MYO3A: variants seen among roughly 807,000 people sequenced by gnomAD.
MYO3A encodes the protein myosin-IIIa.
MYO3A carries 180 observed loss-of-function variants against 192.7 expected under a neutral mutation model. The observed-to-expected ratio is 0.93, with a 90% CI of 0.83 to 1.06. The LOEUF is 1.06. MYO3A is among the 50% of genes least tolerant of loss of function. The pLI, the probability that MYO3A is intolerant of heterozygous loss-of-function variation, is 0.00. For missense variants in MYO3A, 1,896 were observed against 1,905.0 expected (o/e 1.00, Z 0.09); for synonymous variants, 628 against 645.3 (o/e 0.97, Z 0.41).
At chr10:25,938,034 G>A (rs1016022927) in intron 2 of MYO3A, among the ~76,000 whole-genome samples, 6 of 152,158 alleles carry the variant, frequency 3.9e-5, no homozygotes, top group Non-Finnish European at 7.4e-5. Context: ...AACTTGTTTG[G>A]CGATTCAGAC....
chr10:25,939,883 T>C (rs988780354), intron 2 of MYO3A, among the ~76,000 whole-genome samples: 2 of 151,934 alleles, frequency 1.3e-5, no homozygotes, highest in African/African-American at 2.4e-5. Context: ...TCAGCCTTTA[T>C]TTGACATGTT....
intron 17 of MYO3A, among the ~76,000 whole-genome samples, chr10:26,111,713 T>C (rs1471749801): frequency 6.6e-6 from 1 of 152,230 alleles, no homozygotes; most frequent in Non-Finnish European, 1.5e-5. Context: ...TTTTCCTCAA[T>C]CTTTGGTCAT....
At chr10:26,100,358 C>G (rs1041905367) in intron 17 of MYO3A, among the ~76,000 whole-genome samples, 2 of 152,092 alleles carry the variant, frequency 1.3e-5, no homozygotes, top group African/African-American at 2.4e-5. Context: ...AAAACCAGCT[C>G]CTGGATTCAT....
At chr10:26,079,339 T>C (rs1415472026) in intron 14 of MYO3A, among the ~76,000 whole-genome samples, 1 of 152,170 alleles carries the variant, frequency 6.6e-6, no homozygotes, top group Non-Finnish European at 1.5e-5. Context: ...TTGGTGTCCA[T>C]TTGCATGAAA....
At chr10:26,097,611 C>A (rs1837132901) in intron 17 of MYO3A, among the ~76,000 whole-genome samples, 3 of 148,886 alleles carry the variant, frequency 2.0e-5, no homozygotes, top group Admixed American at 6.8e-5. Context: ...TGTTCAGTTT[C>A]CACATATGAG....
At chr10:26,173,046 C>G (rs1231695728) in intron 29 of MYO3A, among the ~76,000 whole-genome samples, 3 of 139,898 alleles carry the variant, frequency 2.1e-5, no homozygotes, top group Non-Finnish European at 4.6e-5. Flanking sequence ...AGGGTTTTGC[C>G]TTTGGCTAGA....
rs192082543 is a variant in MYO3A, at chr10:26,129,671, A to G, written c.2262+1133A>G. On this transcript the variant is annotated intron_variant, in intron 20 of 34. Transcript: ENST00000642920. The stretch of plus-strand genomic sequence containing the variant: ...GGCGTATCTGGCTGTGACCTCCCCA[A>G]TTCCCCTGGAATGGCCCTTCCTCAT... Among the ~76,000 whole-genome samples, 39 of 151,940 alleles carry G rather than the reference A, an allele frequency of 2.6e-4. No homozygotes were observed. The East Asian group carries it at 3.3e-3, about 13-fold the overall frequency.
chr10:26,109,646 ACAGT>A (rs571422697), intron 17 of MYO3A, among the ~76,000 whole-genome samples: 82 of 152,330 alleles, frequency 5.4e-4, no homozygotes, highest in African/African-American at 1.6e-3. Flanking sequence ...CTGGTGTGTT[ACAGT>A]CAAACAATTG....
intron 10 of MYO3A, among the ~76,000 whole-genome samples, chr10:26,048,984 GC>G (rs1397179058): frequency 5.9e-5 from 9 of 152,188 alleles, no homozygotes; most frequent in Non-Finnish European, 1.2e-4. Flanking sequence ...AGGGAGTGTA[GC>G]CCTCAAGGGA....
intron 31 of MYO3A, among the ~76,000 whole-genome samples, chr10:26,189,916 A>G (rs1432614884): frequency 6.6e-6 from 1 of 152,082 alleles, no homozygotes; most frequent in Non-Finnish European, 1.5e-5. Flanking sequence ...TATAAAAATT[A>G]TCTGGGCGCA....
At chr10:26,199,196 T>C (rs183285236) in intron 32 of MYO3A, among the ~76,000 whole-genome samples, 28 of 152,314 alleles carry the variant, frequency 1.8e-4, no homozygotes, top group African/African-American at 6.0e-4. Context: ...TAACGACTTA[T>C]ATTATGAGCC....
chr10:26,156,170 T>C (rs1428698890), intron 25 of MYO3A, among the ~76,000 whole-genome samples: 1 of 152,122 alleles, frequency 6.6e-6, no homozygotes, highest in Non-Finnish European at 1.5e-5. Context: ...TGAAAAAGGC[T>C]CCAAAGTGAC....
chr10:26,156,121 C>T (rs1006826365), intron 25 of MYO3A, among the ~76,000 whole-genome samples: 3 of 152,094 alleles, frequency 2.0e-5, no homozygotes, highest in South Asian at 2.1e-4. Flanking sequence ...GGCAGATGTT[C>T]GCACGAGTAA....
Position 26,173,851 on chromosome 10 carries a change from A to G in MYO3A, c.3587A>G (p.Tyr1196Cys), listed in dbSNP as rs570107967. ...YQTPKKMNNVYEEEVKQEFYL... is the reference protein window; with the variant it reads ...YQTPKKMNNVCEEEVKQEFYL... Reference sequence around the variant, plus strand: ...ACTCCAAAAAAAATGAATAATGTGTATGAGGAAGAGGTTAAGCAAGAATTC... The same window carrying G: ...ACTCCAAAAAAAATGAATAATGTGTGTGAGGAAGAGGTTAAGCAAGAATTC... The change falls in exon 30 of 35, where the codon TAT becomes TGT. Residue 1196 changes from tyrosine (Y) to cysteine (C), a missense_variant. Tyr to Cys is a radical substitution (Grantham distance 194). Transcript: ENST00000642920. 2 of 1,614,052 alleles carry G rather than the reference A, an allele frequency of 1.2e-6. No individual in the cohort carries two copies. Among genetic ancestry groups the G allele is most frequent in the Non-Finnish European group, 1.7e-6 (2 of 1,180,008 alleles).
In MYO3A at chr10:25,952,015, C is replaced by T. The variant is rs17450092; in HGVS notation, c.-17-79C>T. 0.041 allele frequency: 43,293 copies of T among 1,043,426 alleles called. 1,115 individuals are homozygous for T. Among genetic ancestry groups the T allele is most frequent in the Middle Eastern group, 0.066 (217 of 3,278 alleles). 64.6% of individuals were successfully genotyped at this position (1,043,426 alleles called of 1,614,324 possible). A position where few individuals can be genotyped will look rare whatever the true frequency, so the allele number is the denominator to read the frequency against. On this transcript the variant is annotated intron_variant, in intron 2 of 34. Coordinates refer to ENST00000642920, the MANE Select transcript of MYO3A (RefSeq NM_017433.5). ...TTTCTATCATATCAGTGAAAATATT[C>T]GCTAATTTCCCATGGGTTTGTGTGT...
At chr10:26,151,910 G>C (rs189007265) in intron 23 of MYO3A, among the ~76,000 whole-genome samples, 1 of 152,168 alleles carries the variant, frequency 6.6e-6, no homozygotes, top group Non-Finnish European at 1.5e-5. Flanking sequence ...TTTTCATTTT[G>C]TATGTCTTTT....
intron 10 of MYO3A, among the ~76,000 whole-genome samples, chr10:26,056,116 A>G (rs1834094973): frequency 6.6e-6 from 1 of 152,220 alleles, no homozygotes. Context: ...CTGCAAGGAC[A>G]GATGGGCAAT....
At chr10:26,035,726 C>G (rs1164443550) in intron 10 of MYO3A, among the ~76,000 whole-genome samples, 1 of 152,194 alleles carries the variant, frequency 6.6e-6, no homozygotes, top group Non-Finnish European at 1.5e-5. Context: ...CAGACTAGCT[C>G]TTTTACTAAT....
At chr10:26,071,023 A>AT (rs34644371) in intron 14 of MYO3A, among the ~76,000 whole-genome samples, 70,926 of 149,976 alleles carry the variant, frequency 0.47, 17,384 homozygotes, top group Middle Eastern at 0.58. Flanking sequence ...TCCAAACAGG[A>AT]TTTTTTTTTT....
Sources: allele counts gnomAD v4.1 joint callset (sites outside exome capture counted in the v4.1 genomes callset), GRCh38; gene constraint gnomAD v4.1.1; transcripts MANE v1.5; gene names NCBI Gene and HGNC (gene_info 2026-07-23, HGNC 2026-07-21).